CYP7B1: variants seen among roughly 807,000 people sequenced by gnomAD.
CYP7B1 encodes cytochrome P450 7B1.
Under a neutral mutation model 42.7 loss-of-function variants are expected in CYP7B1, and 29 were observed. The observed-to-expected ratio is 0.68, with a 90% confidence interval of 0.51 to 0.93. The LOEUF is 0.93. Ranked by LOEUF, CYP7B1 falls within the 40% of genes least tolerant of loss-of-function variation. CYP7B1 has a pLI of 0.00. For missense variants in CYP7B1, 655 were observed against 600.5 expected, an observed-to-expected ratio of 1.09 and a Z score of -0.95; for synonymous variants, 235 against 218.2, an observed-to-expected ratio of 1.08 and a Z score of -0.68.
chr8:64,624,511 C>G lies in CYP7B1; in HGVS notation c.151G>C (p.Gly51Arg), dbSNP rs961524982. The change falls in exon 2 of 6, where the codon GGT becomes CGT. Residue 51 changes from glycine (G) to arginine (R), a missense_variant. Gly to Arg is a moderately radical substitution (Grantham distance 125). Coordinates refer to ENST00000310193, the MANE Select transcript of CYP7B1 (RefSeq NM_004820.5). Reference sequence around the variant, plus strand: ...ACCACTCCAAGATAAGGAAGCCAACCTTTTATCAATGGAGGCTCACCGGGT... The same window carrying G: ...ACCACTCCAAGATAAGGAAGCCAACGTTTTATCAATGGAGGCTCACCGGGT... ...RRPGEPPLIK[G>R]WLPYLGVVLN... 6.2e-7 allele frequency: 1 copy of G among 1,612,898 alleles called. No individual in the cohort carries two copies. The highest frequency in any genetic ancestry group is 8.5e-7 in the Non-Finnish European group (1 of 1,179,780).
intron 1 of CYP7B1, among the ~76,000 whole-genome samples, chr8:64,763,755 T>C (rs970843947): frequency 1.3e-5 from 2 of 152,198 alleles, no homozygotes; most frequent in Non-Finnish European, 2.9e-5. Context: ...AAAGCTGTCA[T>C]CCCGAACTCC....
At chr8:64,751,477 G>A (rs1485143492) in intron 1 of CYP7B1, among the ~76,000 whole-genome samples, 2 of 151,750 alleles carry the variant, frequency 1.3e-5, no homozygotes, top group Non-Finnish European at 2.9e-5. Context: ...TTTGTTATTG[G>A]TTGCTATTTA....
chr8:64,616,406 A>C, intron 2 of CYP7B1, 125 bp from the exon 3 acceptor site: 1 of 684,686 alleles, frequency 1.5e-6, no homozygotes, highest in Non-Finnish European at 2.5e-6. Context: ...CAAAAAGTTT[A>C]ATACAAATCC....
intron 1 of CYP7B1, among the ~76,000 whole-genome samples, chr8:64,685,411 G>A (rs1168541832): frequency 1.1e-5 from 1 of 94,402 alleles, no homozygotes; most frequent in African/African-American, 4.0e-5. Context: ...ATCCCATCTA[G>A]GAAGTGAGGA....
intron 5 of CYP7B1, among the ~76,000 whole-genome samples, chr8:64,601,331 C>T (rs1805199410): frequency 6.6e-6 from 1 of 152,198 alleles, no homozygotes; most frequent in African/African-American, 2.4e-5. Context: ...TGTTTCTTTA[C>T]CTACATGGTT....
intron 1 of CYP7B1, among the ~76,000 whole-genome samples, chr8:64,663,104 C>G (rs566765058): frequency 6.6e-6 from 1 of 152,194 alleles, no homozygotes; most frequent in African/African-American, 2.4e-5. Flanking sequence ...TTCTAACAAG[C>G]CTTTTCTTAT....
At chr8:64,744,090 T>C (rs922549877) in intron 1 of CYP7B1, among the ~76,000 whole-genome samples, 4 of 152,176 alleles carry the variant, frequency 2.6e-5, no homozygotes, top group African/African-American at 9.6e-5. Context: ...AAATTACTTC[T>C]TGAAATAAAT....
intron 1 of CYP7B1, among the ~76,000 whole-genome samples, chr8:64,689,551 C>T (rs748499476): frequency 2.6e-5 from 4 of 152,096 alleles, no homozygotes; most frequent in Non-Finnish European, 5.9e-5. Context: ...TAATAGACCA[C>T]CAAAACAATT....
At chr8:64,782,781 C>A (rs940996603) in intron 1 of CYP7B1, among the ~76,000 whole-genome samples, 3 of 152,014 alleles carry the variant, frequency 2.0e-5, no homozygotes, top group Admixed American at 6.6e-5. Context: ...CCTGCAGGTC[C>A]CATGAATCAT....
In CYP7B1 at chr8:64,615,071, G is replaced by A; in HGVS notation, c.1012C>T (p.Pro338Ser). ...AATTGTTCTCTGGTGAGGTGGATGG[G>A]AAATCCAGACCCTTTCTTTTGACCT... ...STGQKKGSGF[P>S]IHLTREQLDS... The change falls in exon 4 of 6, where the codon CCC (proline) becomes TCC (serine). Residue 338 changes from proline to serine, a missense_variant. Physicochemically the swap from Pro to Ser is moderately conservative, Grantham distance 74. Coordinates refer to ENST00000310193, the MANE Select transcript of CYP7B1 (RefSeq NM_004820.5). 2 of 1,613,658 alleles carry A rather than the reference G, an allele frequency of 1.2e-6. No homozygotes were observed. Among genetic ancestry groups the A allele is most frequent in the Non-Finnish European group, 1.7e-6 (2 of 1,179,720 alleles).
At chr8:64,725,916 C>G (rs1439337345) in intron 1 of CYP7B1, among the ~76,000 whole-genome samples, 1 of 152,180 alleles carries the variant, frequency 6.6e-6, no homozygotes, top group African/African-American at 2.4e-5. Context: ...AGTGGATATG[C>G]ACAAGCTCTG....
chr8:64,648,864 C>T (rs1440326948), intron 1 of CYP7B1, among the ~76,000 whole-genome samples: 1 of 152,058 alleles, frequency 6.6e-6, no homozygotes, highest in Non-Finnish European at 1.5e-5. Context: ...AATCAATTGC[C>T]CACCATCCAA....
chr8:64,683,200 C>A (rs1215634876), intron 1 of CYP7B1, among the ~76,000 whole-genome samples: 1 of 152,132 alleles, frequency 6.6e-6, no homozygotes. Flanking sequence ...GAGTGCCCAT[C>A]AATAGATGAA....
chr8:64,633,754 AT>A, intron 1 of CYP7B1, among the ~76,000 whole-genome samples: 1 of 152,308 alleles, frequency 6.6e-6, no homozygotes, highest in Middle Eastern at 3.4e-3. Context: ...TTTTATGGAT[AT>A]CAACAAACTG....
chr8:64,679,036 T>G (rs1806495179), intron 1 of CYP7B1, among the ~76,000 whole-genome samples: 2 of 152,134 alleles, frequency 1.3e-5, no homozygotes. Context: ...CTTGTACGTT[T>G]TGAGTTTCTA....
intron 1 of CYP7B1, among the ~76,000 whole-genome samples, chr8:64,707,471 C>A (rs976187252): frequency 6.6e-6 from 1 of 152,062 alleles, no homozygotes; most frequent in Non-Finnish European, 1.5e-5. Context: ...ACAGAGACTT[C>A]ACAAACACAA....
chr8:64,787,149 T>C (rs1804541528), intron 1 of CYP7B1, among the ~76,000 whole-genome samples: 1 of 152,272 alleles, frequency 6.6e-6, no homozygotes, highest in South Asian at 2.1e-4. Flanking sequence ...TCCAACGCCC[T>C]GCAGACATTT....
chr8:64,612,088 TG>T (rs769959030), intron 4 of CYP7B1, among the ~76,000 whole-genome samples: 1 of 152,184 alleles, frequency 6.6e-6, no homozygotes, highest in Non-Finnish European at 1.5e-5. Flanking sequence ...GAGCTTTTAC[TG>T]CTTGCATTAT....
chr8:64,616,953 A>C (rs896707505), intron 2 of CYP7B1, among the ~76,000 whole-genome samples: 1 of 152,148 alleles, frequency 6.6e-6, no homozygotes, highest in Non-Finnish European at 1.5e-5. Context: ...GAAGTCATTC[A>C]CCATTCACCA....
Sources: allele counts gnomAD v4.1 joint callset (sites outside exome capture counted in the v4.1 genomes callset), GRCh38; gene constraint gnomAD v4.1.1; transcripts MANE v1.5; gene names NCBI Gene and HGNC (gene_info 2026-07-23, HGNC 2026-07-21).